Variants in ANKRD30B observed in about 807,000 individuals in gnomAD.
ANKRD30B encodes the protein ankyrin repeat domain-containing protein 30B.
Under a neutral mutation model 202.2 loss-of-function variants are expected in ANKRD30B, and 144 were observed. That is an observed-to-expected ratio of 0.71 (90% CI 0.62 to 0.82). ANKRD30B has a LOEUF of 0.82. Ranked by LOEUF, ANKRD30B falls within the 40% of genes least tolerant of loss-of-function variation. The pLI is 0.00. For missense variants in ANKRD30B, 1,487 were observed against 1,669.1 expected, an observed-to-expected ratio of 0.89 and a Z score of 1.90; for synonymous variants, 508 against 561.3, an observed-to-expected ratio of 0.91 and a Z score of 1.34.
At chr18:14,843,539 G>A (rs1971506243) in intron 39 of ANKRD30B, among the ~76,000 whole-genome samples, 1 of 130,186 alleles carries the variant, frequency 7.7e-6, no homozygotes, top group Admixed American at 8.2e-5. Context: ...CTGTTGTTCT[G>A]ATTAGCTTAC....
At position 14,757,937 on chromosome 18, in the gene ANKRD30B, CT is replaced by C; in HGVS notation, c.742del (p.Cys248ValfsTer93). On this transcript the variant is annotated frameshift_variant, in exon 5 of 44. Transcript: ENST00000690538. LOFTEE classifies it high-confidence loss of function. ...HGITAERYAA[A>X]CGVNYIHQQL... is the part of the protein sequence containing the mutation. ...ATAACTGCAGAACGTTATGCTGCTG[CT>C]TGTGGAGTTAATTAGTAAGTGTTTA... is the stretch of plus-strand genomic sequence containing the variant. The C allele has an allele frequency of 6.3e-7, 1 of 1,598,048 alleles. No individual in the cohort carries two copies.
Position 14,837,214 on chromosome 18 carries a change from G to T in ANKRD30B, c.2851G>T (p.Gly951Ter). The T allele has an allele frequency of 6.5e-7, 1 of 1,542,018 alleles. No individual in the cohort carries two copies. The highest frequency in any genetic ancestry group is 8.8e-7 in the Non-Finnish European group (1 of 1,141,992). ...TTCTGTGTTTTGTTTGTAATAGGAG[G>T]GAGCAACAAAGACAGTAACTGGACA... Reference protein sequence around the residue: ...EEDFNLTTKEGATKTVTGQQE... With the variant: ...EEDFNLTTKE Residue 951 changes from glycine (G) to a stop codon, truncating the protein, a stop_gained, in exon 35 of 44, where the codon GGA (glycine) becomes TGA (stop). Coordinates refer to ENST00000690538, the MANE Select transcript of ANKRD30B (RefSeq NM_001367607.2). LOFTEE classifies it high-confidence loss of function.
At position 14,748,617 on chromosome 18, in the gene ANKRD30B, G is replaced by C; in HGVS notation, c.198G>C (p.Leu66=). 6.4e-7 allele frequency: 1 copy of C among 1,565,526 alleles called. No individual in the cohort carries two copies. Among genetic ancestry groups the C allele is most frequent in the Non-Finnish European group, 8.7e-7 (1 of 1,155,208 alleles). ...KMTVGKKPVN[L]NKRDMKKRTA... ...CAGTAGGGAAGAAGCCCGTCAACCTGAACAAAAGAGATATGAAGAAGAGGT... is the reference window on the plus strand; with the variant it reads ...CAGTAGGGAAGAAGCCCGTCAACCTCAACAAAAGAGATATGAAGAAGAGGT... Residue 66 remains leucine, a synonymous_variant, in exon 1 of 44, where the codon CTG becomes CTC. Transcript: ENST00000690538.
chr18:14,873,993 C>A, the ANKRD30B span, among the ~76,000 whole-genome samples: 1 of 152,156 alleles, frequency 6.6e-6, no homozygotes, highest in East Asian at 1.9e-4. Flanking sequence ...TGGCTGAGAA[C>A]ATGAGCCCTG....
chr18:14,851,219 T>C (rs1971869107), intron 41 of ANKRD30B, among the ~76,000 whole-genome samples: 1 of 149,440 alleles, frequency 6.7e-6, no homozygotes. Context: ...CTTTTGAGCT[T>C]GTTGTAATTC....
At chr18:14,933,632 C>T in the ANKRD30B span, among the ~76,000 whole-genome samples, 1 of 151,990 alleles carries the variant, frequency 6.6e-6, no homozygotes, top group African/African-American at 2.4e-5. Flanking sequence ...CAGGTGCAGA[C>T]AGGGAGGGGC....
intron 15 of ANKRD30B, among the ~76,000 whole-genome samples, chr18:14,790,650 T>C (rs1216590790): frequency 1.3e-5 from 2 of 152,208 alleles, no homozygotes; most frequent in Non-Finnish European, 2.9e-5. Context: ...GAGATAATCA[T>C]GTGGTTTTTG....
chr18:14,793,666 G>C (rs922132487), intron 16 of ANKRD30B, among the ~76,000 whole-genome samples: 2 of 152,000 alleles, frequency 1.3e-5, no homozygotes, highest in African/African-American at 4.8e-5. Flanking sequence ...AGGCCGAGGC[G>C]GGCGGATCAC....
the ANKRD30B span, among the ~76,000 whole-genome samples, chr18:14,903,030 G>T: frequency 6.6e-6 from 1 of 152,080 alleles, no homozygotes; most frequent in Non-Finnish European, 1.5e-5. Context: ...CACTTTCACG[G>T]GGCTAAAATC....
At chr18:14,748,871 C>G (rs1912939195) in intron 1 of ANKRD30B, among the ~76,000 whole-genome samples, 1 of 152,218 alleles carries the variant, frequency 6.6e-6, no homozygotes, top group Non-Finnish European at 1.5e-5. Context: ...ACCTTAAAAT[C>G]AACCCCAAGC....
chr18:14,847,093 T>TATATAG lies in ANKRD30B; in HGVS notation c.3182-1623_3182-1622insATATAG, dbSNP rs1292553217. 1.6e-3 allele frequency among the ~76,000 whole-genome samples: 204 copies of TATATAG among 131,276 alleles called. 5 individuals are homozygous for TATATAG. Among genetic ancestry groups the TATATAG allele is most frequent in the African/African-American group, 5.4e-3 (188 of 34,856 alleles). The allele number at this position is 131,276 out of a possible 152,430, so 86.1% of individuals were successfully genotyped here. A position where few individuals can be genotyped will look rare whatever the true frequency, so the allele number is the denominator to read the frequency against. On this transcript the variant is annotated intron_variant, in intron 39 of 43. Transcript: ENST00000690538. ...ATATATATATATATATATATATATA[T>TATATAG]GTATAATGTTTTTTAGTTATTGATC...
chr18:14,821,521 G>A (rs756454734), intron 30 of ANKRD30B, among the ~76,000 whole-genome samples: 55 of 152,112 alleles, frequency 3.6e-4, no homozygotes, highest in Non-Finnish European at 5.1e-4. Flanking sequence ...GCAGTGGCAC[G>A]ATCTTGACTC....
At chr18:14,860,292 G>C in the ANKRD30B span, among the ~76,000 whole-genome samples, 26 of 130,026 alleles carry the variant, frequency 2.0e-4, 1 homozygote, top group Admixed American at 6.5e-4. Flanking sequence ...AGGCAGAGGT[G>C]CTCCTCACAA....
intron 24 of ANKRD30B, chr18:14,808,315 T>C (rs1379367860): frequency 3.8e-6 from 2 of 531,832 alleles, no homozygotes; most frequent in Non-Finnish European, 7.1e-6. Flanking sequence ...AAATATATTT[T>C]GACTGTTGAA....
the ANKRD30B span, among the ~76,000 whole-genome samples, chr18:14,908,236 G>A: frequency 1.3e-5 from 2 of 152,270 alleles, no homozygotes; most frequent in East Asian, 3.9e-4. Flanking sequence ...CATTAAAGGT[G>A]TCAGACTCAC....
the ANKRD30B span, among the ~76,000 whole-genome samples, chr18:14,914,515 C>A: frequency 6.6e-6 from 1 of 152,098 alleles, no homozygotes; most frequent in Non-Finnish European, 1.5e-5. Flanking sequence ...TCTGTTAGAC[C>A]AAATAGACAG....
At chr18:14,860,963 A>T in the ANKRD30B span, among the ~76,000 whole-genome samples, 1 of 152,138 alleles carries the variant, frequency 6.6e-6, no homozygotes, top group South Asian at 2.1e-4. Context: ...GGCCTCCCAA[A>T]GTGCTAGGAT....
chr18:14,852,919 A>G (rs572636788), intron 42 of ANKRD30B, among the ~76,000 whole-genome samples: 2 of 152,128 alleles, frequency 1.3e-5, no homozygotes, highest in East Asian at 1.9e-4. Flanking sequence ...GTAGCTTTTT[A>G]TATATTTTAT....
chr18:14,847,251 C>A (rs1971689401), intron 39 of ANKRD30B, among the ~76,000 whole-genome samples: 1 of 151,588 alleles, frequency 6.6e-6, no homozygotes, highest in Non-Finnish European at 1.5e-5. Context: ...TACCTCATCA[C>A]AACTCACCTT....
Sources: gnomAD v4.1 joint callset for allele counts (sites outside exome capture counted in the v4.1 genomes callset) on GRCh38, gnomAD v4.1.1 for gene constraint, MANE v1.5 for transcripts, NCBI Gene and HGNC (gene_info 2026-07-23, HGNC 2026-07-21) for gene names.